Variants in DOCK8 observed in about 807,000 individuals in gnomAD.
DOCK8 encodes dedicator of cytokinesis protein 8.
DOCK8 carries 141 observed loss-of-function variants against 245.6 expected under a neutral mutation model. The ratio of observed to expected loss-of-function variants is 0.57; its 90% CI spans 0.50 to 0.66. The LOEUF is 0.66. DOCK8 is among the 30% of genes least tolerant of loss of function. DOCK8 has a pLI of 0.00. For synonymous variants in DOCK8, 1,168 were observed against 970.2 expected (o/e 1.20, Z -3.79); for missense variants, 2,965 against 2,603.4 (o/e 1.14, Z -3.02).
chr9:260,380 T>C lies in DOCK8; in HGVS notation c.54-11247T>C, dbSNP rs75380386. ...CCTCAATGCAAATGTTGGTTTTGCT[T>C]ATCAAATAAATGGATTCTTGGTTCT... is the stretch of plus-strand genomic sequence containing the variant. On this transcript the variant is annotated intron_variant, in intron 1 of 47. Coordinates refer to ENST00000432829, the MANE Select transcript of DOCK8 (RefSeq NM_203447.4). 1.4e-4 allele frequency among the ~76,000 whole-genome samples: 21 copies of C among 152,362 alleles called. No homozygotes were observed. In the East Asian group the frequency reaches 3.9e-3, roughly 28 times the overall value.
At chr9:418,015 C>T (rs2056103035) in intron 29 of DOCK8, 53 bp from the exon 30 acceptor site, 1 of 1,612,336 alleles carries the variant, frequency 6.2e-7, no homozygotes, top group Non-Finnish European at 8.5e-7. Flanking sequence ...GGGTAGGGGA[C>T]ATGGGGAAAT....
chr9:304,733 A>C, intron 5 of DOCK8, 29 bp downstream of exon 5: 2 of 1,614,040 alleles, frequency 1.2e-6, no homozygotes, highest in Non-Finnish European at 1.7e-6. Context: ...CATGGTTACC[A>C]GGTTACTGGG....
At chr9:438,649 T>A (rs925318207) in intron 39 of DOCK8, among the ~76,000 whole-genome samples, 1 of 152,234 alleles carries the variant, frequency 6.6e-6, no homozygotes, top group African/African-American at 2.4e-5. Flanking sequence ...CATGCTCTGC[T>A]AGAGGCTCTA....
intron 1 of DOCK8, among the ~76,000 whole-genome samples, chr9:234,503 G>A (rs1469281837): frequency 6.6e-6 from 1 of 152,164 alleles, no homozygotes; most frequent in Non-Finnish European, 1.5e-5. Flanking sequence ...TTCCAACTTG[G>A]TTCCATTCTC....
chr9:403,932 GTATATATATA>G, intron 26 of DOCK8, among the ~76,000 whole-genome samples: 1 of 80,510 alleles, frequency 1.2e-5, no homozygotes, highest in Admixed American at 1.4e-4. Flanking sequence ...ATATATATGT[GTATATATATA>G]TGTGTATATA....
chr9:229,502 C>T (rs2047061721), intron 1 of DOCK8, among the ~76,000 whole-genome samples: 1 of 152,050 alleles, frequency 6.6e-6, no homozygotes, highest in South Asian at 2.1e-4. Context: ...GCTGTCTGGT[C>T]CAGAGATAAA....
chr9:272,916 G>T (rs2048201549), intron 2 of DOCK8: 3 of 410,330 alleles, frequency 7.3e-6, no homozygotes, highest in Non-Finnish European at 9.9e-6. Flanking sequence ...TCCTCACACA[G>T]CACAGCAGCA....
At chr9:273,785 CAAGCAATTCTCCTG>C in intron 2 of DOCK8, among the ~76,000 whole-genome samples, 2 of 38,808 alleles carry the variant, frequency 5.2e-5, no homozygotes, top group African/African-American at 3.3e-4. Flanking sequence ...CCTCCTAGTT[CAAGCAATTCTCCTG>C]TAGTTCAAGC....
chr9:311,221 G>T lies in DOCK8; in HGVS notation c.529-733G>T, dbSNP rs536668793. Among the ~76,000 whole-genome samples, 6 of 151,914 alleles carry T rather than the reference G, an allele frequency of 3.9e-5. No homozygotes were observed. In the East Asian group the frequency reaches 9.7e-4, roughly 25 times the overall value. ...AATTGCTTGAACCTGGGAGGCGGAG[G>T]TTGCAGTGAGCTGAGATGGCGCCAT... On this transcript the variant is annotated intron_variant, in intron 5 of 47. Coordinates refer to ENST00000432829, the MANE Select transcript of DOCK8 (RefSeq NM_203447.4).
intron 7 of DOCK8, among the ~76,000 whole-genome samples, chr9:324,010 G>C (rs747770999): frequency 6.6e-6 from 1 of 152,144 alleles, no homozygotes; most frequent in Non-Finnish European, 1.5e-5. Context: ...ATCATTATAC[G>C]TGATCCTCAC....
chr9:420,235 G>A, intron 30 of DOCK8, 166 bp from the exon 31 acceptor site: 1 of 757,792 alleles, frequency 1.3e-6, no homozygotes, highest in South Asian at 1.6e-5. Flanking sequence ...CCCTGCCTAG[G>A]GAAGGCAGGG....
At chr9:400,965 CCTCCTCCACCAT>C (rs1564016911) in intron 26 of DOCK8, among the ~76,000 whole-genome samples, 1 of 62,392 alleles carries the variant, frequency 1.6e-5, no homozygotes, top group Non-Finnish European at 2.5e-5. Context: ...ACCACCACCA[CCTCCTCCACCAT>C]CACCACCTCC....
chr9:444,992 G>C (rs2057207154), intron 43 of DOCK8, among the ~76,000 whole-genome samples: 1 of 152,206 alleles, frequency 6.6e-6, no homozygotes, highest in South Asian at 2.1e-4. Flanking sequence ...CATCTTCCAG[G>C]ATATGAAGAA....
chr9:285,291 C>G (rs375466710), intron 2 of DOCK8, among the ~76,000 whole-genome samples: 2 of 152,152 alleles, frequency 1.3e-5, no homozygotes, highest in African/African-American at 4.8e-5. Flanking sequence ...TCTCTCCTCT[C>G]CAGCTTGAAG....
intron 1 of DOCK8, among the ~76,000 whole-genome samples, chr9:222,863 T>A (rs913255762): frequency 6.6e-6 from 1 of 152,236 alleles, no homozygotes; most frequent in African/African-American, 2.4e-5. Flanking sequence ...TGCTTAACAA[T>A]GTAATCCAAT....
intron 26 of DOCK8, among the ~76,000 whole-genome samples, chr9:400,874 A>ACCACCTCCACCATCACCATCACCT (rs2054984262): frequency 1.3e-5 from 1 of 77,610 alleles, no homozygotes; most frequent in South Asian, 4.0e-4. Flanking sequence ...CACCATCACC[A>ACCACCTCCACCATCACCATCACCT]CCACCTCCAC....
In DOCK8 at chr9:351,902, G is replaced by A. The variant is rs541908328; in HGVS notation, c.1679+11581G>A. 2.0e-5 allele frequency among the ~76,000 whole-genome samples: 3 copies of A among 152,320 alleles called. No homozygotes were observed. In the East Asian group the frequency reaches 5.8e-4, roughly 29 times the overall value. On this transcript the variant is annotated intron_variant, in intron 14 of 47. Transcript: ENST00000432829. ...CCTTGTAGAACTTTCCCTGAAGTCA[G>A]CAAGAACCCTGTGAGAATCAGGATT...
intron 2 of DOCK8, among the ~76,000 whole-genome samples, chr9:283,450 GA>G (rs2048675970): frequency 6.6e-6 from 1 of 152,076 alleles, no homozygotes; most frequent in Admixed American, 6.6e-5. Context: ...TTTGCTACAT[GA>G]ATATACTGCA....
At chr9:382,880 C>T (rs1056623721) in intron 22 of DOCK8, among the ~76,000 whole-genome samples, 195 bp downstream of exon 22, 1 of 152,082 alleles carries the variant, frequency 6.6e-6, no homozygotes, top group Admixed American at 6.5e-5. Context: ...GCAAGACCAG[C>T]ATCTGAGGAT....
Sources: allele counts gnomAD v4.1 joint callset (sites outside exome capture counted in the v4.1 genomes callset), GRCh38; gene constraint gnomAD v4.1.1; transcripts MANE v1.5; gene names NCBI Gene and HGNC (gene_info 2026-07-23, HGNC 2026-07-21).